Variants in NTRK3 observed in about 807,000 individuals in gnomAD.
The protein encoded by NTRK3 is NT-3 growth factor receptor.
In NTRK3, 24 loss-of-function variants were observed where a neutral mutation model predicts 91.7. The observed-to-expected ratio is 0.26, with a 90% CI of 0.19 to 0.37. The LOEUF (loss-of-function observed/expected upper bound fraction) is 0.37, where lower values mean the gene tolerates loss of function less well. Among genes scored for constraint, NTRK3 ranks in the 10% least tolerant of loss-of-function variants. NTRK3 has a pLI of 1.00. For missense variants in NTRK3, 880 were observed against 1,068.9 expected, an observed-to-expected ratio of 0.82 and a Z score of 2.46; for synonymous variants, 483 against 404.0, an observed-to-expected ratio of 1.20 and a Z score of -2.34.
chr15:88,057,262 C>T (rs990904725), intron 13 of NTRK3, among the ~76,000 whole-genome samples: 1 of 150,992 alleles, frequency 6.6e-6, no homozygotes, highest in African/African-American at 2.4e-5. Context: ...TTTGGGAGGC[C>T]GAGGTGTGCG....
Position 88,128,701 on chromosome 15 carries a change from G to A in NTRK3, c.1228+10C>T, listed in dbSNP as rs1410859124. On this transcript the variant is annotated intron_variant, in intron 11 of 18. Transcript: ENST00000394480. ...AATCAGTTTCAAAGCAACAGGTAAA[G>A]CAGACTTACACAAGATAAAGTTATC... The A allele has an allele frequency of 3.1e-6, 5 of 1,613,698 alleles. No homozygotes were observed. Among genetic ancestry groups the A allele is most frequent in the Non-Finnish European group, 3.4e-6 (4 of 1,179,752 alleles).
At chr15:88,140,516 A>C (rs895366659) in intron 6 of NTRK3, among the ~76,000 whole-genome samples, 3 of 152,214 alleles carry the variant, frequency 2.0e-5, no homozygotes, top group Non-Finnish European at 2.9e-5. Context: ...ATTCACTCTC[A>C]AACAAAACTA....
At chr15:88,099,038 C>T (rs1156565697) in intron 13 of NTRK3, 1 of 231,460 alleles carries the variant, frequency 4.3e-6, no homozygotes, top group East Asian at 6.1e-5. Context: ...TGATGAACGA[C>T]AAGATGTAAC....
chr15:88,136,158 C>T lies in NTRK3; in HGVS notation c.766-118G>A, dbSNP rs2151204068. 6 of 1,344,360 alleles carry T rather than the reference C, an allele frequency of 4.5e-6. No homozygotes were observed. In the South Asian group the frequency reaches 7.2e-5, roughly 16 times the overall value. 83.3% of individuals were successfully genotyped at this position (1,344,360 alleles called of 1,614,324 possible). ...AAGCTGAGCGGAAGGCGAAGGAGATCTTTGTGTGAAAGCACACTGGCCAAA... is the reference window on the plus strand; with the variant it reads ...AAGCTGAGCGGAAGGCGAAGGAGATTTTTGTGTGAAAGCACACTGGCCAAA... On this transcript the variant is annotated intron_variant, in intron 8 of 18. Transcript: ENST00000394480.
rs934948262 is a variant in NTRK3 at position 88,255,797 on chromosome 15, G to C, written c.248+109C>G. On this transcript the variant is annotated intron_variant, in intron 3 of 18. Coordinates refer to ENST00000394480, the Ensembl canonical transcript of NTRK3. This position sits in a 1 kb window ranked among gnomAD's most constrained non-coding sequence, Gnocchi z 4.3. Reference sequence around the variant, plus strand: ...GCCTGACGCGCGCCCAGCGGGCGGCGGGCAGCGGCGAGCTGGGGCGGGCGG... The same window carrying C: ...GCCTGACGCGCGCCCAGCGGGCGGCCGGCAGCGGCGAGCTGGGGCGGGCGG... The C allele has an allele frequency of 4.0e-5, 37 of 921,362 alleles. No homozygotes were observed. Among genetic ancestry groups the C allele is most frequent in the Non-Finnish European group, 8.8e-6 (6 of 683,638 alleles). The allele number at this position is 921,362 out of a possible 1,614,324, so 57.1% of individuals were successfully genotyped here.
chr15:87,957,531 T>C (rs145286970), intron 14 of NTRK3, among the ~76,000 whole-genome samples: 179 of 152,280 alleles, frequency 1.2e-3, no homozygotes, highest in African/African-American at 4.2e-3. Flanking sequence ...TGTGGTAGGA[T>C]TGCATAAGAT....
At chr15:88,096,912 A>G (rs960040727) in intron 13 of NTRK3, among the ~76,000 whole-genome samples, 1 of 152,216 alleles carries the variant, frequency 6.6e-6, no homozygotes, top group African/African-American at 2.4e-5. Flanking sequence ...CTGCACATCA[A>G]GTCCTTATCT....
intron 5 of NTRK3, among the ~76,000 whole-genome samples, chr15:88,173,099 G>T (rs898790141): frequency 6.6e-6 from 1 of 152,152 alleles, no homozygotes; most frequent in African/African-American, 2.4e-5. Context: ...ATAAAAGCAG[G>T]AAGGATCCAT....
rs545489862 is a variant in NTRK3 at position 87,868,243 on chromosome 15, G to A, written c.*8692C>T. On this transcript the variant is annotated 3_prime_UTR_variant, in exon 19 of 19. Coordinates refer to ENST00000394480, the Ensembl canonical transcript of NTRK3. ...AAAACGTGAATGTAGTTTGCACTAT[G>A]AGCACGAGCACCTAGAATAAAACAC... 103 of 229,546 alleles carry A rather than the reference G, an allele frequency of 4.5e-4. 1 individual carries two copies. The highest frequency in any genetic ancestry group is 2.2e-3 in the African/African-American group (98 of 45,304). 14.2% of individuals were successfully genotyped at this position (229,546 alleles called of 1,614,324 possible). A position where few individuals can be genotyped will look rare whatever the true frequency, so the allele number is the denominator to read the frequency against.
chr15:88,174,401 C>T (rs908001435), intron 5 of NTRK3, among the ~76,000 whole-genome samples: 2 of 152,184 alleles, frequency 1.3e-5, no homozygotes, highest in Non-Finnish European at 2.9e-5. Flanking sequence ...TCCCCACCAG[C>T]CCCTCCCATA....
intron 13 of NTRK3, among the ~76,000 whole-genome samples, chr15:88,118,006 T>G (rs897051270): frequency 6.6e-6 from 1 of 152,122 alleles, no homozygotes; most frequent in African/African-American, 2.4e-5. Flanking sequence ...TTATCCTCCA[T>G]GAGGAACCAC....
chr15:88,135,393 G>A lies in NTRK3; in HGVS notation c.912C>T (p.Pro304=), dbSNP rs1423396073. The change falls in exon 10 of 19, where the codon CCC becomes CCT. Residue 304 remains proline, a synonymous_variant. Coordinates refer to ENST00000394480, the Ensembl canonical transcript of NTRK3. ...GCTCCTCCAGGCTCACCACACGTGGGGGATCTGTCAAGGGAGAAGCCTGCT... is the reference window on the plus strand; with the variant it reads ...GCTCCTCCAGGCTCACCACACGTGGAGGATCTGTCAAGGGAGAAGCCTGCT... 125 of 1,613,438 alleles carry A rather than the reference G, an allele frequency of 7.7e-5. No individual in the cohort carries two copies. The Admixed American group carries it at 2.0e-3, about 26-fold the overall frequency.
chr15:88,072,267 G>A (rs565299428), intron 13 of NTRK3, among the ~76,000 whole-genome samples: 62 of 152,162 alleles, frequency 4.1e-4, no homozygotes, highest in African/African-American at 1.5e-3. Context: ...GCCTCCCAAA[G>A]TGCTGGGATT....
At chr15:88,208,414 A>C (rs1003449978) in intron 3 of NTRK3, among the ~76,000 whole-genome samples, 2 of 152,156 alleles carry the variant, frequency 1.3e-5, no homozygotes, top group Non-Finnish European at 2.9e-5. Flanking sequence ...TGAGAAAGCA[A>C]TTTGACATTT....
intron 14 of NTRK3, among the ~76,000 whole-genome samples, chr15:88,031,315 G>A (rs545744598): frequency 3.0e-4 from 45 of 152,218 alleles, no homozygotes; most frequent in African/African-American, 1.1e-3. Context: ...ATTGAACATA[G>A]CAATGTCTAG....
intron 5 of NTRK3, among the ~76,000 whole-genome samples, chr15:88,155,462 T>C (rs540806032): frequency 2.0e-5 from 3 of 152,364 alleles, no homozygotes; most frequent in African/African-American, 7.2e-5. Flanking sequence ...ATGTTGAATT[T>C]CTGGGTGTAA....
intron 18 of NTRK3, among the ~76,000 whole-genome samples, chr15:87,879,836 T>A (rs986622904): frequency 2.0e-5 from 3 of 152,166 alleles, no homozygotes; most frequent in South Asian, 2.1e-4. Context: ...ATAAAACTGG[T>A]CTTCCCAAAT....
chr15:88,099,667 G>C (rs1396359749), intron 13 of NTRK3, among the ~76,000 whole-genome samples: 5 of 152,172 alleles, frequency 3.3e-5, no homozygotes, highest in South Asian at 4.1e-4. Flanking sequence ...TGTCCTCAGA[G>C]AAGTCACTTG....
intron 5 of NTRK3, among the ~76,000 whole-genome samples, chr15:88,160,458 G>C (rs563252025): frequency 6.6e-6 from 1 of 152,324 alleles, no homozygotes; most frequent in South Asian, 2.1e-4. Context: ...GTTCACTAAG[G>C]CTGCTCTCTG....
Sources: allele counts gnomAD v4.1 joint callset (sites outside exome capture counted in the v4.1 genomes callset), GRCh38; gene constraint gnomAD v4.1.1; non-coding constraint Gnocchi (gnomAD v3.1); transcripts MANE v1.5; gene names NCBI Gene and HGNC (gene_info 2026-07-23, HGNC 2026-07-21).